The following DUOX2 variants were observed in gnomAD, a reference collection of about 807,000 sequenced individuals.
DUOX2 encodes NADH/NADPH thyroid oxidase p138-tox.
DUOX2 carries 185 observed loss-of-function variants against 183.3 expected under a neutral mutation model. The observed-to-expected ratio is 1.01, with a 90% CI of 0.90 to 1.14. DUOX2 has a LOEUF of 1.14. Among genes scored for constraint, DUOX2 ranks in the 50% most tolerant of loss-of-function variants. The pLI, the probability that DUOX2 is intolerant of heterozygous loss-of-function variation, is 0.00. For missense variants in DUOX2, 1,999 were observed against 2,022.9 expected, an observed-to-expected ratio of 0.99 and a Z score of 0.23; for synonymous variants, 788 against 812.4, an observed-to-expected ratio of 0.97 and a Z score of 0.51.
chr15:45,100,280 C>T (rs776990123), intron 23 of DUOX2, 52 bp from the exon 24 acceptor site: 29 of 1,549,956 alleles, frequency 1.9e-5, no homozygotes, highest in Non-Finnish European at 2.6e-5. Context: ...TCTGGCCTTC[C>T]CTTAATGCCA....
chr15:45,104,386 A>T, intron 18 of DUOX2, 21 bp from the exon 19 acceptor site: 1 of 1,610,074 alleles, frequency 6.2e-7, no homozygotes, highest in East Asian at 2.2e-5. Context: ...GCAGCAGCAG[A>T]GGGAGGGAAA....
chr15:45,098,000 G>A lies in DUOX2; in HGVS notation c.3565+9C>T, dbSNP rs757473358. ...CTCAGACAGAACCCCCAGGTCCCAC[G>A]TTTCCTACCTGGGACGGTCTGGAAG... On this transcript the variant is annotated intron_variant, in intron 27 of 33. Coordinates refer to ENST00000389039, the MANE Select transcript of DUOX2 (RefSeq NM_001363711.2). 3.0e-5 allele frequency: 48 copies of A among 1,613,842 alleles called. No homozygotes were observed. The highest frequency in any genetic ancestry group is 1.2e-4 in the African/African-American group (9 of 74,934).
At chr15:45,109,439 G>T in intron 11 of DUOX2, 85 bp downstream of exon 11, 5 of 1,124,924 alleles carry the variant, frequency 4.4e-6, no homozygotes, top group South Asian at 2.5e-5. Flanking sequence ...CATCGTGAGC[G>T]CCCTAGGTCT....
In DUOX2 at chr15:45,101,996, G is replaced by A. The variant is rs1894096806; in HGVS notation, c.2655-7C>T. 1 of 1,614,020 alleles carries A rather than the reference G, an allele frequency of 6.2e-7. No homozygotes were observed. The highest frequency in any genetic ancestry group is 1.7e-5 in the Admixed American group (1 of 60,012). ...GGAGATCTCGATGAAGGATCTGGAG[G>A]AGGACCAGAGACACAGCAGCCTGTC... On this transcript the variant is annotated splice_polypyrimidine_tract_variant and splice_region_variant and intron_variant, in intron 20 of 33. Transcript: ENST00000389039.
rs1364810861 is a variant in DUOX2, at chr15:45,101,883, A to G, written c.2761T>C (p.Trp921Arg). ...SGFQDKEELTWEDFHFMLRDH... is the reference protein window; with the variant it reads ...SGFQDKEELTREDFHFMLRDH... The stretch of plus-strand genomic sequence containing the variant: ...CGCAGCATGAAGTGAAAATCCTCCC[A>G]TGTCAGCTCCTCCTTGTCCTGGAAT... Residue 921 changes from tryptophan to arginine, a missense_variant, in exon 21 of 34, where the codon TGG (tryptophan) becomes CGG (arginine). By Grantham distance (101) the Trp-to-Arg change is moderately radical. This residue lies in a region of DUOX2 where 1,628 missense variants were observed against 1,608.6 expected (regional missense o/e 1.01). Coordinates refer to ENST00000389039, the MANE Select transcript of DUOX2 (RefSeq NM_001363711.2). 6 of 1,613,968 alleles carry G rather than the reference A, an allele frequency of 3.7e-6. No individual in the cohort carries two copies. Among genetic ancestry groups the G allele is most frequent in the East Asian group, 2.2e-5 (1 of 44,882 alleles).
chr15:45,108,974 A>C lies in DUOX2; in HGVS notation c.1235-22T>G, dbSNP rs1304811847. 3 of 1,613,762 alleles carry C rather than the reference A, an allele frequency of 1.9e-6. No homozygotes were observed. The East Asian group carries it at 6.7e-5, about 36-fold the overall frequency. ...TAATCTGAAGAGGAGAGAAGACTAG[A>C]CTATGGGCTTTGTCCTCTCCATCCT... is the stretch of plus-strand genomic sequence containing the variant. On this transcript the variant is annotated intron_variant, in intron 11 of 33. Coordinates refer to ENST00000389039, the MANE Select transcript of DUOX2 (RefSeq NM_001363711.2).
chr15:45,109,688 G>A, intron 10 of DUOX2, 62 bp from the exon 11 acceptor site: 1 of 1,541,842 alleles, frequency 6.5e-7, no homozygotes, highest in Non-Finnish European at 9.0e-7. Flanking sequence ...TCTCAGCCTG[G>A]ACCACTTTAG....
At position 45,101,776 on chromosome 15, in the gene DUOX2, A is replaced by G. The variant is rs746175996; in HGVS notation, c.2851+17T>C. ...ACGCCCCCCCTCCCTGACGCCAACC[A>G]TTCCTCACACACTCACCATTTCCAC... is the stretch of plus-strand genomic sequence containing the variant. On this transcript the variant is annotated intron_variant, in intron 21 of 33. Coordinates refer to ENST00000389039, the MANE Select transcript of DUOX2 (RefSeq NM_001363711.2). The G allele has an allele frequency of 1.9e-6, 3 of 1,614,096 alleles. No individual in the cohort carries two copies. Among genetic ancestry groups the G allele is most frequent in the Admixed American group, 3.3e-5 (2 of 60,018 alleles).
At chr15:45,094,331 G>C in intron 33 of DUOX2, 59 bp from the exon 34 acceptor site, 1 of 1,612,002 alleles carries the variant, frequency 6.2e-7, no homozygotes, top group South Asian at 1.1e-5. Context: ...ACTCTCCTTG[G>C]GAAAAGCTGC....
chr15:45,099,957 C>T, intron 24 of DUOX2, 65 bp from the exon 25 acceptor site: 1 of 1,611,614 alleles, frequency 6.2e-7, no homozygotes, highest in Non-Finnish European at 8.5e-7. Context: ...CCTGGGCTCT[C>T]CCATGCAGAC....
chr15:45,098,325 T>C (rs1893962968), intron 26 of DUOX2, among the ~76,000 whole-genome samples: 2 of 152,222 alleles, frequency 1.3e-5, no homozygotes, highest in South Asian at 4.1e-4. Flanking sequence ...CATTATTCTG[T>C]AAGCTCCATG....
rs148918239 is a variant in DUOX2, at chr15:45,107,421, G to A, written c.1617C>T (p.Thr539=). Residue 539 remains threonine, a synonymous_variant, in exon 14 of 34, where the codon ACC becomes ACT. Coordinates refer to ENST00000389039, the MANE Select transcript of DUOX2 (RefSeq NM_001363711.2). ...KKEIEDIRNT[T]LRDVLVAVIN... ...TAACAGCGACCAGCACGTCCCGCAG[G>A]GTGGTATTTCGGATGTCTTCAATCT... The A allele has an allele frequency of 1.2e-5, 20 of 1,614,224 alleles. No individual in the cohort carries two copies. Among genetic ancestry groups the A allele is most frequent in the Non-Finnish European group, 1.7e-5 (20 of 1,180,046 alleles).
chr15:45,102,650 C>T (rs1894111702), intron 20 of DUOX2, among the ~76,000 whole-genome samples: 1 of 152,170 alleles, frequency 6.6e-6, no homozygotes, highest in Non-Finnish European at 1.5e-5. Flanking sequence ...ATCGTCCCAC[C>T]GACAGTAAGC....
chr15:45,111,685 T>C (rs1894417593), intron 5 of DUOX2, 83 bp downstream of exon 5: 2 of 1,446,168 alleles, frequency 1.4e-6, no homozygotes, highest in Admixed American at 5.9e-5. Flanking sequence ...TGGGCGCCTC[T>C]CCCCTCCAGG....
In DUOX2 at chr15:45,100,065, C is replaced by T; in HGVS notation, c.3169G>A (p.Ala1057Thr). 1.2e-6 allele frequency: 2 copies of T among 1,614,252 alleles called. No homozygotes were observed. The highest frequency in any genetic ancestry group is 1.7e-5 in the Admixed American group (1 of 60,036). ...IFSAICVGVFADRAYYYGFAS... is the reference protein window; with the variant it reads ...IFSAICVGVFTDRAYYYGFAS... ...GAACTCTTACAGTAAGCACGATCTGCAAACACGCCAACACAGATGGCCGAG... is the reference window on the plus strand; with the variant it reads ...GAACTCTTACAGTAAGCACGATCTGTAAACACGCCAACACAGATGGCCGAG... The change falls in exon 24 of 34, where the codon GCA (alanine) becomes ACA (threonine). Residue 1057 changes from alanine to threonine, a missense_variant. Ala to Thr is a moderately conservative substitution (Grantham distance 58, BLOSUM62 0). Transcript: ENST00000389039.
At position 45,104,234 on chromosome 15, in the gene DUOX2, C is replaced by T; in HGVS notation, c.2466G>A (p.Met822Ile). 1 of 1,614,138 alleles carries T rather than the reference C, an allele frequency of 6.2e-7. No individual in the cohort carries two copies. The highest frequency in any genetic ancestry group is 8.5e-7 in the Non-Finnish European group (1 of 1,180,008). The change falls in exon 19 of 34, where the codon ATG becomes ATA. Residue 822 changes from methionine (M) to isoleucine (I), a missense_variant. Coordinates refer to ENST00000389039, the MANE Select transcript of DUOX2 (RefSeq NM_001363711.2). ...CCAGAGAGAACATGGACTCCACAAA[C>T]ATGTCCTGGGGCTTGAGGCCCAGGG... ...AESLGLKPQD[M>I]FVESMFSLAD...
chr15:45,109,724 C>A, intron 10 of DUOX2, 98 bp from the exon 11 acceptor site: 1 of 1,370,706 alleles, frequency 7.3e-7, no homozygotes, highest in Non-Finnish European at 1.0e-6. Flanking sequence ...GGCCCTTGGC[C>A]AGTCCCAGAC....
In DUOX2 at chr15:45,110,431, A is replaced by G. The variant is rs375264413; in HGVS notation, c.1037T>C (p.Met346Thr). 1.7e-5 allele frequency: 27 copies of G among 1,613,348 alleles called. No homozygotes were observed. The highest frequency in any genetic ancestry group is 2.2e-5 in the Non-Finnish European group (26 of 1,179,636). The change falls in exon 9 of 34, where the codon ATG becomes ACG. Residue 346 changes from methionine to threonine, a missense_variant. This residue lies in a region of DUOX2 where 1,628 missense variants were observed against 1,608.6 expected (regional missense o/e 1.01). Coordinates refer to ENST00000389039, the MANE Select transcript of DUOX2 (RefSeq NM_001363711.2). ...FSTMVPPGVY[M>T]RNASCHFRKV... is the part of the protein sequence containing the mutation. ...TCTCTGCCAACCCCTCCCTCACCTC[A>G]TGTAGACACCAGGGGGCACCATGGT...
At chr15:45,108,544 C>A in intron 12 of DUOX2, 1 of 624,370 alleles carries the variant, frequency 1.6e-6, no homozygotes, top group Non-Finnish European at 2.8e-6. Flanking sequence ...TGGCACCCAA[C>A]CCAGAAGCCA....
Sources: allele counts gnomAD v4.1 joint callset (sites outside exome capture counted in the v4.1 genomes callset), GRCh38; gene constraint gnomAD v4.1.1; regional missense constraint gnomAD v4.1.1; transcripts MANE v1.5; gene names NCBI Gene and HGNC (gene_info 2026-07-23, HGNC 2026-07-21).